The following SGCD variants were observed in gnomAD, a reference collection of about 807,000 sequenced individuals.
SGCD encodes the protein sarcoglycan delta.
In SGCD, 18 loss-of-function variants were observed where a neutral mutation model predicts 36.6. The ratio of observed to expected loss-of-function variants is 0.49; its 90% CI spans 0.34 to 0.73. SGCD has a LOEUF of 0.73. Among genes scored for constraint, SGCD ranks in the 30% least tolerant of loss-of-function variants. SGCD has a pLI of 0.01. For synonymous variants in SGCD, 133 were observed against 130.6 expected (o/e 1.02, Z -0.12); for missense variants, 387 against 346.7 (o/e 1.12, Z -0.92).
At chr5:156,585,357 T>C (rs1056492249) in intron 4 of SGCD, among the ~76,000 whole-genome samples, 1 of 152,248 alleles carries the variant, frequency 6.6e-6, no homozygotes, top group Non-Finnish European at 1.5e-5. Context: ...TAAAGCATCC[T>C]ATTGAAAATA....
intron 3 of SGCD, among the ~76,000 whole-genome samples, chr5:156,375,970 A>G (rs1271802110): frequency 6.6e-6 from 1 of 152,110 alleles, no homozygotes; most frequent in Non-Finnish European, 1.5e-5. Context: ...TTATGACAAA[A>G]ATGTAAGATC....
intron 2 of SGCD, among the ~76,000 whole-genome samples, chr5:156,331,900 A>G (rs768459503): frequency 1.5e-4 from 23 of 152,192 alleles, no homozygotes; most frequent in Non-Finnish European, 2.4e-4. Flanking sequence ...TTTCATTCCT[A>G]TCGTTACCTA....
chr5:155,745,245 G>A, the SGCD span, among the ~76,000 whole-genome samples: 1 of 152,090 alleles, frequency 6.6e-6, no homozygotes, highest in African/African-American at 2.4e-5. Flanking sequence ...TAGAAGGAAT[G>A]GTTGGTAAAA....
chr5:156,605,051 G>C (rs1156681626), intron 6 of SGCD, among the ~76,000 whole-genome samples: 1 of 151,552 alleles, frequency 6.6e-6, no homozygotes, highest in East Asian at 1.9e-4. Flanking sequence ...TTGTGTGTGT[G>C]TGTGTTTTAT....
At chr5:156,413,664 G>A (rs1463270092) in intron 3 of SGCD, among the ~76,000 whole-genome samples, 2 of 152,152 alleles carry the variant, frequency 1.3e-5, no homozygotes, top group African/African-American at 4.8e-5. Context: ...TTATTTTTGG[G>A]TAGAGACAGA....
At chr5:156,455,120 T>G (rs1224908732) in intron 3 of SGCD, among the ~76,000 whole-genome samples, 1 of 152,174 alleles carries the variant, frequency 6.6e-6, no homozygotes, top group East Asian at 1.9e-4. Flanking sequence ...TTGGCATACT[T>G]TTTTTATTGT....
In SGCD at chr5:156,451,115, T is replaced by C. The variant is rs1277999618; in HGVS notation, c.193-57486T>C. 2.9e-5 allele frequency among the ~76,000 whole-genome samples: 4 copies of C among 139,228 alleles called. No homozygotes were observed. In the East Asian group the frequency reaches 1.0e-3, roughly 35 times the overall value. 91.3% of individuals were successfully genotyped at this position (139,228 alleles called of 152,430 possible). A position where few individuals can be genotyped will look rare whatever the true frequency, so the allele number is the denominator to read the frequency against. ...CTCCCTTCCCTTCCCTCTTTCACCATACTATTTTCCAGCAGCCTTTTTCAA... is the reference window on the plus strand; with the variant it reads ...CTCCCTTCCCTTCCCTCTTTCACCACACTATTTTCCAGCAGCCTTTTTCAA... On this transcript the variant is annotated intron_variant, in intron 3 of 8. Transcript: ENST00000337851.
intron 7 of SGCD, among the ~76,000 whole-genome samples, chr5:156,709,637 C>A (rs1309588585): frequency 2.0e-5 from 3 of 152,178 alleles, no homozygotes; most frequent in Non-Finnish European, 4.4e-5. Context: ...TATATCCCTG[C>A]AAGCCACCAC....
intron 3 of SGCD, among the ~76,000 whole-genome samples, chr5:156,415,433 G>C (rs543737751): frequency 5.3e-5 from 8 of 152,332 alleles, no homozygotes; most frequent in African/African-American, 1.9e-4. Flanking sequence ...CAATGTTGAA[G>C]ATGAGATTTG....
At chr5:156,190,392 A>T (rs1466521459) in intron 3 of SGCD, among the ~76,000 whole-genome samples, 1 of 152,194 alleles carries the variant, frequency 6.6e-6, no homozygotes, top group Non-Finnish European at 1.5e-5. Flanking sequence ...AAGAAAGTCT[A>T]TCAAACTGCT....
At chr5:156,444,104 CTCTCTCTCTCT>C (rs1753640058) in intron 3 of SGCD, among the ~76,000 whole-genome samples, 48 of 109,944 alleles carry the variant, frequency 4.4e-4, no homozygotes, top group Middle Eastern at 4.2e-3. Context: ...CTCTCTCTCT[CTCTCTCTCTCT>C]CCCCTTCCCT....
chr5:155,955,309 A>G (rs1398429302), intron 1 of SGCD, among the ~76,000 whole-genome samples: 1 of 152,170 alleles, frequency 6.6e-6, no homozygotes, highest in Non-Finnish European at 1.5e-5. Context: ...AATTCAATAA[A>G]TTTGAAGTAT....
chr5:156,261,463 G>A (rs748968634), intron 3 of SGCD, among the ~76,000 whole-genome samples: 8 of 152,140 alleles, frequency 5.3e-5, no homozygotes, highest in East Asian at 1.9e-4. Context: ...GTCTAGTGAC[G>A]TCACAGCCAT....
intron 6 of SGCD, among the ~76,000 whole-genome samples, chr5:156,607,772 G>C (rs1287448890): frequency 6.6e-6 from 1 of 152,104 alleles, no homozygotes; most frequent in Non-Finnish European, 1.5e-5. Flanking sequence ...GTTTAGTCTT[G>C]GGAGGGTGTA....
chr5:156,732,214 T>C (rs369005439), intron 7 of SGCD, among the ~76,000 whole-genome samples: 2 of 152,140 alleles, frequency 1.3e-5, no homozygotes, highest in African/African-American at 2.4e-5. Context: ...ATCCTTGTCT[T>C]GTACTGGTTT....
intron 3 of SGCD, among the ~76,000 whole-genome samples, chr5:156,270,743 T>G (rs1326676911): frequency 6.6e-6 from 1 of 152,188 alleles, no homozygotes; most frequent in Non-Finnish European, 1.5e-5. Flanking sequence ...TCAGCCTTTT[T>G]CTCCTCATCT....
At chr5:156,610,232 CCTTT>C (rs1300512540) in intron 6 of SGCD, among the ~76,000 whole-genome samples, 1 of 152,110 alleles carries the variant, frequency 6.6e-6, no homozygotes, top group Non-Finnish European at 1.5e-5. Context: ...GTGTGGATGT[CCTTT>C]CTGTTTGTTA....
intron 3 of SGCD, among the ~76,000 whole-genome samples, chr5:156,250,517 G>A (rs1043347851): frequency 1.1e-4 from 17 of 152,108 alleles, no homozygotes; most frequent in African/African-American, 4.1e-4. Context: ...TACCACTAAT[G>A]AGCTGTGAGA....
chr5:156,511,577 C>G (rs1483351804), intron 4 of SGCD, among the ~76,000 whole-genome samples: 2 of 152,196 alleles, frequency 1.3e-5, no homozygotes, highest in Non-Finnish European at 2.9e-5. Context: ...ATTGAGGGCT[C>G]CTTCTGTTCA....
Sources: gnomAD v4.1 joint callset for allele counts (sites outside exome capture counted in the v4.1 genomes callset) on GRCh38, gnomAD v4.1.1 for gene constraint, MANE v1.5 for transcripts, NCBI Gene and HGNC (gene_info 2026-07-23, HGNC 2026-07-21) for gene names.